IVNS1ABP: variants seen among roughly 807,000 people sequenced by gnomAD.
IVNS1ABP encodes influenza virus NS1A binding protein, also known as influenza virus NS1A-binding protein.
IVNS1ABP carries 25 observed loss-of-function variants against 78.9 expected under a neutral mutation model. The observed-to-expected ratio is 0.32, with a 90% CI of 0.23 to 0.44. The LOEUF is 0.44. IVNS1ABP is among the 20% of genes least tolerant of loss of function. IVNS1ABP has a pLI of 1.00. For synonymous variants in IVNS1ABP, 241 were observed against 259.7 expected (o/e 0.93, Z 0.69); for missense variants, 494 against 768.9 (o/e 0.64, Z 4.23).
chr1:185,305,485 T>G lies in IVNS1ABP; in HGVS notation c.765+51A>C, dbSNP rs771461679. 1 of 1,601,418 alleles carries G rather than the reference T, an allele frequency of 6.2e-7. No homozygotes were observed. The highest frequency in any genetic ancestry group is 1.7e-5 in the Admixed American group (1 of 58,946). The stretch of plus-strand genomic sequence containing the variant: ...AGGAAAATTTAAGTATGCTATCAAA[T>G]TCTCTAGTCAAATTTTAACCTGAGG... On this transcript the variant is annotated intron_variant, in intron 8 of 14. Transcript: ENST00000367498. The surrounding 1 kb of genome is among the most constrained non-coding windows in gnomAD (Gnocchi z 4.0).
rs1226730831 is a variant in IVNS1ABP, at chr1:185,307,624, G to A, written c.396C>T (p.Thr132=). The stretch of plus-strand genomic sequence containing the variant: ...CAAAATTTCGGTAAGAGATGCAGCT[G>A]GTAACATCCATTCTAGACAGTAAAT... ...GDYLLSRMDV[T]SCISYRNFAS... The change falls in exon 6 of 15, where the codon ACC becomes ACT. Residue 132 remains threonine (T), a synonymous_variant. Coordinates refer to ENST00000367498, the MANE Select transcript of IVNS1ABP (RefSeq NM_006469.5). 1 of 1,613,328 alleles carries A rather than the reference G, an allele frequency of 6.2e-7. No homozygotes were observed. Among genetic ancestry groups the A allele is most frequent in the African/African-American group, 1.3e-5 (1 of 74,872 alleles).
chr1:185,298,074 T>C lies in IVNS1ABP; in HGVS notation c.1890A>G (p.Ser630=). 1 of 1,613,682 alleles carries C rather than the reference T, an allele frequency of 6.2e-7. No individual in the cohort carries two copies. Among genetic ancestry groups the C allele is most frequent in the Non-Finnish European group, 8.5e-7 (1 of 1,179,742 alleles). Residue 630 remains serine, a synonymous_variant, in exon 15 of 15, where the codon TCA becomes TCG. Transcript: ENST00000367498. The surrounding 1 kb of genome is among the most constrained non-coding windows in gnomAD (Gnocchi z 4.1). The stretch of plus-strand genomic sequence containing the variant: ...TCTTTGTATAGGGGCTCCATTCATT[T>C]GACTCAAGGTTATAGACTTCCACCG... ...LNTVEVYNLE[S]NEWSPYTKIF...
Position 185,299,854 on chromosome 1 carries a change from C to G in IVNS1ABP, c.1531G>C (p.Gly511Arg). 2 of 1,613,686 alleles carry G rather than the reference C, an allele frequency of 1.2e-6. No homozygotes were observed. Among genetic ancestry groups the G allele is most frequent in the Non-Finnish European group, 1.7e-6 (2 of 1,179,806 alleles). The part of the protein sequence containing the change: ...RRHQSAVCEL[G>R]GYLYIIGGAE... ...CCTCCGATTATGTACAAATAACCACCAAGCTCACAGACTGCAGACTGGTGT... is the reference window on the plus strand; with the variant it reads ...CCTCCGATTATGTACAAATAACCACGAAGCTCACAGACTGCAGACTGGTGT... The change falls in exon 14 of 15, where the codon GGT becomes CGT. Residue 511 changes from glycine to arginine, a missense_variant. Physicochemically the swap from Gly to Arg is moderately radical, Grantham distance 125. Transcript: ENST00000367498.
intron 8 of IVNS1ABP, among the ~76,000 whole-genome samples, chr1:185,302,656 G>A (rs574257699): frequency 2.6e-5 from 4 of 152,224 alleles, no homozygotes; most frequent in South Asian, 2.1e-4. Context: ...TACAACATAC[G>A]TAGGCTATTT....
intron 5 of IVNS1ABP, chr1:185,308,075 CA>C (rs1368791193): frequency 2.6e-6 from 4 of 1,537,622 alleles, no homozygotes; most frequent in Non-Finnish European, 3.5e-6. Flanking sequence ...TTTGGAAAGA[CA>C]GCAACTATAT....
chr1:185,317,058 G>T lies in IVNS1ABP; in HGVS notation c.-352C>A, dbSNP rs893150837. 6 of 398,786 alleles carry T rather than the reference G, an allele frequency of 1.5e-5. No homozygotes were observed. Among genetic ancestry groups the T allele is most frequent in the Non-Finnish European group, 2.7e-5 (6 of 226,350 alleles). The allele number at this position is 398,786 out of a possible 1,614,324, so 24.7% of individuals were successfully genotyped here. A position where few individuals can be genotyped will look rare whatever the true frequency, so the allele number is the denominator to read the frequency against. On this transcript the variant is annotated 5_prime_UTR_variant, in exon 1 of 15. Coordinates refer to ENST00000367498, the MANE Select transcript of IVNS1ABP (RefSeq NM_006469.5). ...CAACGGAAAGCGCCAGAAGGCGGCG[G>T]AAGACGGGAGCGGTCAAGTAGAAGG...
chr1:185,298,331 T>G lies in IVNS1ABP; in HGVS notation c.1676-43A>C. ...TGGGGTAAATCCAGAGATTAAAGTG[T>G]AATAAGGTAAAACTCCCCTAAATCT... On this transcript the variant is annotated intron_variant, in intron 14 of 14. Transcript: ENST00000367498. The surrounding 1 kb of genome is among the most constrained non-coding windows in gnomAD (Gnocchi z 4.1). The G allele has an allele frequency of 6.4e-7, 1 of 1,574,694 alleles. No homozygotes were observed. Among genetic ancestry groups the G allele is most frequent in the Non-Finnish European group, 8.7e-7 (1 of 1,153,542 alleles).
rs1416029317 is a variant in IVNS1ABP at position 185,298,027 on chromosome 1, T to TA, written c.*7dup. The TA allele has an allele frequency of 3.7e-6, 6 of 1,612,500 alleles. No individual in the cohort carries two copies. The Middle Eastern group carries it at 6.6e-4, about 178-fold the overall frequency. Reference sequence around the variant, plus strand: ...TAAGCCTGTTAGTTTGAGAGGGTCTTAAATTTGTTAAAACTGGAAAATCTT... The same window carrying TA: ...TAAGCCTGTTAGTTTGAGAGGGTCTTAAAATTTGTTAAAACTGGAAAATCTT... On this transcript the variant is annotated 3_prime_UTR_variant, in exon 15 of 15. Coordinates refer to ENST00000367498, the MANE Select transcript of IVNS1ABP (RefSeq NM_006469.5). This position sits in a 1 kb window ranked among gnomAD's most constrained non-coding sequence, Gnocchi z 4.1.
intron 8 of IVNS1ABP, among the ~76,000 whole-genome samples, chr1:185,302,329 C>T (rs1472223444): frequency 1.3e-5 from 2 of 152,124 alleles, no homozygotes; most frequent in African/African-American, 4.8e-5. Flanking sequence ...TATGAGTTTT[C>T]CTTGATGGCT....
At chr1:185,312,515 C>A (rs1189220995) in intron 1 of IVNS1ABP, among the ~76,000 whole-genome samples, 1 of 152,168 alleles carries the variant, frequency 6.6e-6, no homozygotes, top group Admixed American at 6.5e-5. Flanking sequence ...TGGTCCAGTT[C>A]GAATTCAACA....
chr1:185,301,699 C>T (rs1242380533), intron 8 of IVNS1ABP, 136 bp from the exon 9 acceptor site: 15 of 846,754 alleles, frequency 1.8e-5, no homozygotes, highest in Non-Finnish European at 2.5e-5. Flanking sequence ...TTAACTCAAG[C>T]CAACACTTTC....
chr1:185,313,033 C>T (rs981805384), intron 1 of IVNS1ABP, among the ~76,000 whole-genome samples: 3 of 152,072 alleles, frequency 2.0e-5, no homozygotes, highest in Admixed American at 2.0e-4. Context: ...TAAACTTTGA[C>T]CAGTTTTACT....
rs1665708609 is a variant in IVNS1ABP at position 185,305,249 on chromosome 1, A to C, written c.765+287T>G. Among the ~76,000 whole-genome samples, 1 of 152,150 alleles carries C rather than the reference A, an allele frequency of 6.6e-6. No homozygotes were observed. The highest frequency in any genetic ancestry group is 2.4e-5 in the African/African-American group (1 of 41,440). On this transcript the variant is annotated intron_variant, in intron 8 of 14. Transcript: ENST00000367498. This position sits in a 1 kb window ranked among gnomAD's most constrained non-coding sequence, Gnocchi z 4.0. ...CCTGACACAAACAACTGCTTTTCATAATCTTCCCAAATAATTTCTATATTG... is the reference window on the plus strand; with the variant it reads ...CCTGACACAAACAACTGCTTTTCATCATCTTCCCAAATAATTTCTATATTG...
In IVNS1ABP at chr1:185,299,694, A is replaced by C; in HGVS notation, c.1675+16T>G. On this transcript the variant is annotated intron_variant, in intron 14 of 14. Transcript: ENST00000367498. ...GCCACTATCTACTCTTCACCTCTCC[A>C]AATCCCAACACTCACCATTAAGAAC... 6.2e-7 allele frequency: 1 copy of C among 1,613,294 alleles called. No individual in the cohort carries two copies. The highest frequency in any genetic ancestry group is 8.5e-7 in the Non-Finnish European group (1 of 1,179,406).
At position 185,315,477 on chromosome 1, in the gene IVNS1ABP, A is replaced by G. The variant is rs114781966; in HGVS notation, c.-247+1476T>C. 4.8e-3 allele frequency among the ~76,000 whole-genome samples: 738 copies of G among 152,378 alleles called. 6 individuals are homozygous for G. The highest frequency in any genetic ancestry group is 0.017 in the African/African-American group (687 of 41,586). On this transcript the variant is annotated intron_variant, in intron 1 of 14. Coordinates refer to ENST00000367498, the MANE Select transcript of IVNS1ABP (RefSeq NM_006469.5). ...GAGATATCATCTATTAGGAAAACAC[A>G]GAGGAAAACCATTCCAGGGCTCTCT...
At chr1:185,310,781 G>C (rs1190164435) in intron 2 of IVNS1ABP, among the ~76,000 whole-genome samples, 1 of 151,786 alleles carries the variant, frequency 6.6e-6, no homozygotes, top group Non-Finnish European at 1.5e-5. Flanking sequence ...GGAAGGCTGA[G>C]GCAGGAGAAG....
At chr1:185,315,704 C>T (rs984178458) in intron 1 of IVNS1ABP, among the ~76,000 whole-genome samples, 12 of 152,328 alleles carry the variant, frequency 7.9e-5, no homozygotes, top group East Asian at 1.9e-4. Flanking sequence ...TAAAAGTAAT[C>T]ATCAGTATTT....
chr1:185,315,386 G>A (rs923055151), intron 1 of IVNS1ABP, among the ~76,000 whole-genome samples: 4 of 152,110 alleles, frequency 2.6e-5, no homozygotes, highest in African/African-American at 7.2e-5. Flanking sequence ...GTCTTGGGGG[G>A]AAAGTTAGAA....
At chr1:185,312,781 G>A (rs1665921325) in intron 1 of IVNS1ABP, among the ~76,000 whole-genome samples, 2 of 152,038 alleles carry the variant, frequency 1.3e-5, no homozygotes, top group Admixed American at 1.3e-4. Flanking sequence ...TCTACACAGA[G>A]AGAACACACT....
Sources: gnomAD v4.1 joint callset for allele counts (sites outside exome capture counted in the v4.1 genomes callset) on GRCh38, gnomAD v4.1.1 for gene constraint, Gnocchi (gnomAD v3.1) non-coding constraint, MANE v1.5 for transcripts, NCBI Gene and HGNC (gene_info 2026-07-23, HGNC 2026-07-21) for gene names.